LPCAT2: variants seen among roughly 807,000 people sequenced by gnomAD.
LPCAT2 encodes lysophosphatidylcholine acyltransferase 2, also known as 1-AGP acyltransferase 11.
In LPCAT2, 58 loss-of-function variants were observed where a neutral mutation model predicts 64.7. That is an observed-to-expected ratio of 0.90 (90% CI 0.73 to 1.12). LPCAT2 has a LOEUF of 1.12. Ranked by LOEUF, LPCAT2 falls within the 50% of genes most tolerant of loss-of-function variation. The pLI is 0.00. For missense variants in LPCAT2, 579 were observed against 669.8 expected, an observed-to-expected ratio of 0.86 and a Z score of 1.50; for synonymous variants, 252 against 245.3, an observed-to-expected ratio of 1.03 and a Z score of -0.26.
chr16:55,527,429 A>C (rs1963186161), intron 2 of LPCAT2, among the ~76,000 whole-genome samples: 1 of 150,620 alleles, frequency 6.6e-6, no homozygotes, highest in South Asian at 2.1e-4. Flanking sequence ...GCAGTGAGCC[A>C]AGATTGCACC....
In LPCAT2 at chr16:55,584,865, G is replaced by T. The variant is rs1197165287; in HGVS notation, c.*1767G>T. The stretch of plus-strand genomic sequence containing the variant: ...TATGTCTTAAAGCTATTTAAACAAG[G>T]TGTTAAATGAGCCAAAACAATTAAG... On this transcript the variant is annotated 3_prime_UTR_variant, in exon 14 of 14. Coordinates refer to ENST00000262134, the MANE Select transcript of LPCAT2 (RefSeq NM_017839.5). The T allele has an allele frequency of 6.6e-6, 1 of 152,026 alleles. No homozygotes were observed. The highest frequency in any genetic ancestry group is 1.9e-4 in the East Asian group (1 of 5,198). 9.4% of individuals were successfully genotyped at this position (152,026 alleles called of 1,614,324 possible).
chr16:55,522,503 G>A (rs1288959546), intron 1 of LPCAT2, among the ~76,000 whole-genome samples: 2 of 151,576 alleles, frequency 1.3e-5, no homozygotes, highest in South Asian at 2.1e-4. Context: ...ATATGGAAAT[G>A]CAGAGTATCT....
At chr16:55,582,751 T>TATC (rs1456544885) in intron 13 of LPCAT2, among the ~76,000 whole-genome samples, 163 bp from the exon 14 acceptor site, 1 of 152,180 alleles carries the variant, frequency 6.6e-6, no homozygotes, top group Non-Finnish European at 1.5e-5. Context: ...ATGGAAAAAC[T>TATC]ATCTCCCAAA....
intron 1 of LPCAT2, among the ~76,000 whole-genome samples, chr16:55,514,135 C>T (rs1236900629): frequency 6.6e-6 from 1 of 152,034 alleles, no homozygotes; most frequent in African/African-American, 2.4e-5. Context: ...AGCCAAAAAC[C>T]TTAAAAGAAA....
At chr16:55,577,843 A>G (rs1963844907) in intron 12 of LPCAT2, among the ~76,000 whole-genome samples, 1 of 152,136 alleles carries the variant, frequency 6.6e-6, no homozygotes, top group African/African-American at 2.4e-5. Context: ...CTTAAAATGA[A>G]GAGTCCATAT....
At chr16:55,553,081 A>T (rs1260722500) in intron 11 of LPCAT2, among the ~76,000 whole-genome samples, 4 of 151,982 alleles carry the variant, frequency 2.6e-5, no homozygotes, top group Admixed American at 2.6e-4. Context: ...TCAACTAAAA[A>T]TACAAAATTA....
At chr16:55,557,537 G>A (rs1963590845) in intron 11 of LPCAT2, among the ~76,000 whole-genome samples, 1 of 152,194 alleles carries the variant, frequency 6.6e-6, no homozygotes. Flanking sequence ...GCTAAACTAA[G>A]TACACAATGG....
intron 11 of LPCAT2, among the ~76,000 whole-genome samples, chr16:55,571,488 C>G (rs1963769384): frequency 6.6e-6 from 1 of 152,134 alleles, no homozygotes; most frequent in Non-Finnish European, 1.5e-5. Flanking sequence ...TCTATTTGTA[C>G]TTACCCAATG....
intron 12 of LPCAT2, 49 bp from the exon 13 acceptor site, chr16:55,579,060 T>C (rs1963860392): frequency 6.3e-7 from 1 of 1,576,172 alleles, no homozygotes; most frequent in Non-Finnish European, 8.7e-7. Flanking sequence ...GATTATTCCC[T>C]ACCACTATGA....
At chr16:55,543,006 A>G (rs1188842678) in intron 8 of LPCAT2, among the ~76,000 whole-genome samples, 2 of 152,188 alleles carry the variant, frequency 1.3e-5, no homozygotes, top group African/African-American at 4.8e-5. Flanking sequence ...GATAGTGGCA[A>G]TCATGTTCAC....
chr16:55,518,409 T>G (rs1399466155), intron 1 of LPCAT2, among the ~76,000 whole-genome samples: 1 of 152,218 alleles, frequency 6.6e-6, no homozygotes, highest in African/African-American at 2.4e-5. Flanking sequence ...TTTATTTTTT[T>G]GCAGAAATTG....
rs1357706366 is a variant in LPCAT2, at chr16:55,583,950, T to C, written c.*852T>C. The C allele has an allele frequency of 6.6e-6, 1 of 152,240 alleles. No individual in the cohort carries two copies. The highest frequency in any genetic ancestry group is 2.4e-5 in the African/African-American group (1 of 41,458). The allele number at this position is 152,240 out of a possible 1,614,324, so 9.4% of individuals were successfully genotyped here. On this transcript the variant is annotated 3_prime_UTR_variant, in exon 14 of 14. Coordinates refer to ENST00000262134, the MANE Select transcript of LPCAT2 (RefSeq NM_017839.5). ...CACCCACCTCAGCCTCCCAAAGTGC[T>C]GGGATTACAGGTGTGAGCCACCGTT...
intron 8 of LPCAT2, 28 bp from the exon 9 acceptor site, chr16:55,545,707 G>A: frequency 7.0e-7 from 1 of 1,425,808 alleles, no homozygotes; most frequent in Non-Finnish European, 9.8e-7. Flanking sequence ...TTAAGACATT[G>A]TTATGGAAAG....
intron 10 of LPCAT2, 66 bp downstream of exon 10, chr16:55,549,468 A>T: frequency 1.6e-5 from 22 of 1,411,128 alleles, no homozygotes; most frequent in Non-Finnish European, 2.1e-5. Flanking sequence ...AATCCTGTTT[A>T]TTTTCTCCTG....
chr16:55,509,098 TG>T lies in LPCAT2; in HGVS notation c.-81del. 1 of 1,181,266 alleles carries T rather than the reference TG, an allele frequency of 8.5e-7. No individual in the cohort carries two copies. Among genetic ancestry groups the T allele is most frequent in the Non-Finnish European group, 1.1e-6 (1 of 925,498 alleles). The allele number at this position is 1,181,266 out of a possible 1,614,324, so 73.2% of individuals were successfully genotyped here. A position where few individuals can be genotyped will look rare whatever the true frequency, so the allele number is the denominator to read the frequency against. ...GAGGCTCCCCAGCGTCGCCCTAGGC[TG>T]GGACTCTAGTAGGTCTTCGGCTCAG... On this transcript the variant is annotated 5_prime_UTR_variant, in exon 1 of 14. Coordinates refer to ENST00000262134, the MANE Select transcript of LPCAT2 (RefSeq NM_017839.5).
chr16:55,554,797 T>A (rs917527986), intron 11 of LPCAT2, among the ~76,000 whole-genome samples: 3 of 152,158 alleles, frequency 2.0e-5, no homozygotes, highest in African/African-American at 7.2e-5. Flanking sequence ...ACCATTTATT[T>A]CACCTGAACA....
intron 1 of LPCAT2, among the ~76,000 whole-genome samples, chr16:55,518,555 CTG>C (rs372400913): frequency 5.3e-5 from 8 of 152,282 alleles, no homozygotes; most frequent in African/African-American, 1.9e-4. Flanking sequence ...GTAATCAAGA[CTG>C]TGTTGTACCA....
At chr16:55,553,816 A>C (rs1246784217) in intron 11 of LPCAT2, among the ~76,000 whole-genome samples, 1 of 152,222 alleles carries the variant, frequency 6.6e-6, no homozygotes, top group Non-Finnish European at 1.5e-5. Context: ...ATAGCCTTAT[A>C]GCATTTCTTA....
chr16:55,564,539 C>A (rs1963670691), intron 11 of LPCAT2, among the ~76,000 whole-genome samples: 1 of 151,922 alleles, frequency 6.6e-6, no homozygotes, highest in African/African-American at 2.4e-5. Context: ...AGAAGAAACC[C>A]TTGTGTATAT....
Sources: gnomAD v4.1 joint callset for allele counts (sites outside exome capture counted in the v4.1 genomes callset) on GRCh38, gnomAD v4.1.1 for gene constraint, MANE v1.5 for transcripts, NCBI Gene and HGNC (gene_info 2026-07-23, HGNC 2026-07-21) for gene names.